The following GATA4 variants were observed in gnomAD, a reference collection of about 807,000 sequenced individuals.
The protein encoded by GATA4 is GATA binding protein 4.
A neutral mutation model predicts 37.9 loss-of-function variants in GATA4; 7 were observed. That is an observed-to-expected ratio of 0.18 (90% CI 0.11 to 0.35). GATA4 has a LOEUF of 0.35. Ranked by LOEUF, GATA4 falls within the 10% of genes least tolerant of loss-of-function variation. The pLI is 1.00. For synonymous variants in GATA4, 372 were observed against 292.6 expected (o/e 1.27, Z -2.77); for missense variants, 647 against 653.0 (o/e 0.99, Z 0.10).
intron 4 of GATA4, among the ~76,000 whole-genome samples, chr8:11,754,670 C>T (rs1293559109): frequency 6.6e-6 from 1 of 152,240 alleles, no homozygotes; most frequent in East Asian, 1.9e-4. Flanking sequence ...TTGATATCCT[C>T]ACGTGCCCCT....
intron 2 of GATA4, among the ~76,000 whole-genome samples, chr8:11,727,241 C>A (rs992372416): frequency 7.2e-5 from 11 of 152,148 alleles, no homozygotes; most frequent in Admixed American, 7.2e-4. Flanking sequence ...TGAGTTTCCT[C>A]CCCTGTGTAA....
At chr8:11,726,341 C>A (rs1238990435) in intron 2 of GATA4, among the ~76,000 whole-genome samples, 7 of 152,176 alleles carry the variant, frequency 4.6e-5, no homozygotes, top group Admixed American at 1.3e-4. Flanking sequence ...ACTGAGGTAG[C>A]AAAGGCGCCC....
At chr8:11,722,272 C>T (rs1467966990) in intron 2 of GATA4, among the ~76,000 whole-genome samples, 12 of 152,178 alleles carry the variant, frequency 7.9e-5, no homozygotes, top group Non-Finnish European at 1.5e-5. Context: ...ACTCACTTTC[C>T]CCCACACAGT....
chr8:11,718,933 G>C (rs1223677907), intron 2 of GATA4, among the ~76,000 whole-genome samples: 2 of 152,220 alleles, frequency 1.3e-5, no homozygotes, highest in African/African-American at 4.8e-5. Flanking sequence ...CCCATTCCGA[G>C]CAGGTGTGGG....
intron 2 of GATA4, among the ~76,000 whole-genome samples, chr8:11,728,793 T>A (rs987680059): frequency 2.6e-5 from 4 of 152,196 alleles, no homozygotes; most frequent in Admixed American, 1.3e-4. Context: ...TTAGTGAGAA[T>A]TTGCCTTCCT....
intron 2 of GATA4, among the ~76,000 whole-genome samples, chr8:11,725,637 C>T (rs963593714): frequency 6.6e-6 from 1 of 152,184 alleles, no homozygotes; most frequent in African/African-American, 2.4e-5. Context: ...CGTGAAACTC[C>T]TGCCCCTCGC....
chr8:11,705,307 C>G (rs1308181224), intron 1 of GATA4, among the ~76,000 whole-genome samples: 1 of 152,182 alleles, frequency 6.6e-6, no homozygotes. Flanking sequence ...GCTCCGCACA[C>G]GTCTGTGTCT....
chr8:11,708,173 T>G lies in GATA4; in HGVS notation c.-140T>G, dbSNP rs1799978842. On this transcript the variant is annotated 5_prime_UTR_variant, in exon 2 of 7. Transcript: ENST00000532059. This position sits in a 1 kb window ranked among gnomAD's most constrained non-coding sequence, Gnocchi z 6.7. Reference sequence around the variant, plus strand: ...ACGTATATATTTTTAAGCGAGTTGGTTTTTTCCCCTTTGATTTTTGATCTT... The same window carrying G: ...ACGTATATATTTTTAAGCGAGTTGGGTTTTTCCCCTTTGATTTTTGATCTT... The G allele has an allele frequency of 1.0e-6, 1 of 969,592 alleles. No individual in the cohort carries two copies. The highest frequency in any genetic ancestry group is 1.6e-6 in the Non-Finnish European group (1 of 632,426). 60.1% of individuals were successfully genotyped at this position (969,592 alleles called of 1,614,324 possible).
rs1193105406 is a variant in GATA4, at chr8:11,758,418, G to C, written c.1275G>C (p.Gln425His). ...AGTCTCCACAGACCAGCTCCAAGCA[G>C]GACTCTTGGAACAGCCTGGTCTTGG... ...VSQSPQTSSKQDSWNSLVLAD... is the reference protein window; with the variant it reads ...VSQSPQTSSKHDSWNSLVLAD... Residue 425 changes from glutamine to histidine, a missense_variant, in exon 7 of 7, where the codon CAG becomes CAC. By Grantham distance (24) the Gln-to-His change is conservative. Transcript: ENST00000532059. 1 of 1,614,218 alleles carries C rather than the reference G, an allele frequency of 6.2e-7. No homozygotes were observed. Among genetic ancestry groups the C allele is most frequent in the East Asian group, 2.2e-5 (1 of 44,880 alleles).
chr8:11,734,681 G>C (rs1303702137), intron 2 of GATA4, among the ~76,000 whole-genome samples: 2 of 152,068 alleles, frequency 1.3e-5, no homozygotes, highest in East Asian at 3.9e-4. Flanking sequence ...GAGATGGGGG[G>C]GTTTCACCAT....
At chr8:11,682,031 G>C (rs189612084) in intron 1 of GATA4, among the ~76,000 whole-genome samples, 16 of 152,332 alleles carry the variant, frequency 1.1e-4, no homozygotes, top group Admixed American at 5.9e-4. Flanking sequence ...AAGGCTTCTT[G>C]TCTGTGAATT....
intron 1 of GATA4, chr8:11,681,316 C>G (rs1255975930): frequency 3.0e-6 from 3 of 985,322 alleles, no homozygotes; most frequent in Non-Finnish European, 3.6e-6. Context: ...GTCTTCACCA[C>G]TTCTCGACCT....
chr8:11,698,502 C>T (rs933136123), intron 1 of GATA4, among the ~76,000 whole-genome samples: 36 of 152,260 alleles, frequency 2.4e-4, no homozygotes, highest in African/African-American at 8.7e-4. Flanking sequence ...CTCTGCCTGT[C>T]CTCCTCTGTC....
chr8:11,690,988 C>T (rs1799294714), upstream of GATA4, among the ~76,000 whole-genome samples: 1 of 152,216 alleles, frequency 6.6e-6, no homozygotes, highest in East Asian at 1.9e-4. Flanking sequence ...GTCTTGGCTC[C>T]ACCACCTTAT....
chr8:11,749,577 G>T lies in GATA4; in HGVS notation c.786+492G>T, dbSNP rs1802195010. On this transcript the variant is annotated intron_variant, in intron 3 of 6. Coordinates refer to ENST00000532059, the MANE Select transcript of GATA4 (RefSeq NM_001308093.3). The surrounding 1 kb of genome is among the most constrained non-coding windows in gnomAD (Gnocchi z 4.6). ...GGGAAGAGTTTGGGCCTGGGGCTTG[G>T]CTCCTGGCTTCCTGCTCCTTTTTAA... Among the ~76,000 whole-genome samples, 2 of 152,230 alleles carry T rather than the reference G, an allele frequency of 1.3e-5. No individual in the cohort carries two copies. Among genetic ancestry groups the T allele is most frequent in the Admixed American group, 1.3e-4 (2 of 15,288 alleles).
At chr8:11,745,615 T>C (rs909621895) in intron 2 of GATA4, among the ~76,000 whole-genome samples, 2 of 151,414 alleles carry the variant, frequency 1.3e-5, no homozygotes, top group East Asian at 3.9e-4. Flanking sequence ...ATCAGTGTAG[T>C]GTGGGAAAAA....
chr8:11,702,467 C>T (rs755794145), upstream of GATA4, among the ~76,000 whole-genome samples: 1 of 151,788 alleles, frequency 6.6e-6, no homozygotes, highest in Non-Finnish European at 1.5e-5. The surrounding 1 kb of genome is among the most constrained non-coding windows in gnomAD (Gnocchi z 4.4). Flanking sequence ...GCCTCTCTCG[C>T]TCGCCCCCCA....
intron 2 of GATA4, among the ~76,000 whole-genome samples, chr8:11,713,899 C>G (rs1272887463): frequency 6.6e-6 from 1 of 152,174 alleles, no homozygotes; most frequent in Non-Finnish European, 1.5e-5. Context: ...GTAGCTGTTT[C>G]CTTTTAAAGA....
At chr8:11,680,197 G>C (rs769239693) in intron 1 of GATA4, among the ~76,000 whole-genome samples, 4 of 152,176 alleles carry the variant, frequency 2.6e-5, no homozygotes, top group Admixed American at 6.5e-5. Flanking sequence ...GCCGCTTAAC[G>C]TCCGGAATGT....
Sources: gnomAD v4.1 joint callset for allele counts (sites outside exome capture counted in the v4.1 genomes callset) on GRCh38, gnomAD v4.1.1 for gene constraint, Gnocchi (gnomAD v3.1) non-coding constraint, MANE v1.5 for transcripts, NCBI Gene and HGNC (gene_info 2026-07-23, HGNC 2026-07-21) for gene names.